Variants in MCF2L observed in about 807,000 individuals in gnomAD.
MCF2L encodes guanine nucleotide exchange factor DBS.
A neutral mutation model predicts 153.4 loss-of-function variants in MCF2L; 97 were observed. That is an observed-to-expected ratio of 0.63 (90% CI 0.54 to 0.75). The LOEUF is 0.75. Ranked by LOEUF, MCF2L falls within the 30% of genes least tolerant of loss-of-function variation. The probability of loss-of-function intolerance (pLI) is 0.00; values close to 1 mark genes in which losing one functional copy is unlikely to be tolerated. For synonymous variants in MCF2L, 659 were observed against 632.2 expected, an observed-to-expected ratio of 1.04 and a Z score of -0.64; for missense variants, 1,347 against 1,495.2, an observed-to-expected ratio of 0.90 and a Z score of 1.64.
At position 113,073,114 on chromosome 13, in the gene MCF2L, G is replaced by C. The variant is rs369040537; in HGVS notation, c.997-1330G>C. 9.6e-4 allele frequency among the ~76,000 whole-genome samples: 142 copies of C among 147,256 alleles called. 1 individual carries two copies. In the South Asian group the frequency reaches 0.03, roughly 31 times the overall value. On this transcript the variant is annotated intron_variant, in intron 9 of 29. Coordinates refer to ENST00000535094, the MANE Select transcript of MCF2L (RefSeq NM_001112732.3). ...AAATGTATGTTGTTTGGCTTCCAGTGTTCAGAGATTTTCCCGTTGTCTTTC... is the reference window on the plus strand; with the variant it reads ...AAATGTATGTTGTTTGGCTTCCAGTCTTCAGAGATTTTCCCGTTGTCTTTC...
At position 112,918,420 on chromosome 13, in the gene MCF2L, G is replaced by A. The variant is rs907305878; in HGVS notation, c.169+16049G>A. ...AGTAACTGACGCAGTTCACTTCCCC[G>A]TGGGGTTTCCCACACCTCGGCAAGT... On this transcript the variant is annotated intron_variant, in intron 2 of 29. Coordinates refer to the MCF2L transcript ENST00000375608. Among the ~76,000 whole-genome samples, 20 of 152,348 alleles carry A rather than the reference G, an allele frequency of 1.3e-4. No homozygotes were observed. In the South Asian group the frequency reaches 1.4e-3, roughly 11 times the overall value.
chr13:113,034,241 A>G (rs2085989898), intron 3 of MCF2L: 1 of 147,490 alleles, frequency 6.8e-6, no homozygotes, highest in African/African-American at 2.5e-5. Context: ...AGCTCAGGTG[A>G]TCCTCCCACC....
At chr13:112,936,394 G>A (rs1430160585) in intron 2 of MCF2L, among the ~76,000 whole-genome samples, 5 of 152,032 alleles carry the variant, frequency 3.3e-5, no homozygotes, top group African/African-American at 1.2e-4. Context: ...CCCAATCTAT[G>A]GTGCTTTGGT....
intron 1 of MCF2L, among the ~76,000 whole-genome samples, chr13:112,995,159 G>A (rs2083072318): frequency 6.6e-6 from 1 of 152,224 alleles, no homozygotes; most frequent in Non-Finnish European, 1.5e-5. Context: ...GAGGCACTGT[G>A]CCCGTGCCCC....
intron 3 of MCF2L, among the ~76,000 whole-genome samples, chr13:113,039,148 C>A (rs1042926995): frequency 1.3e-5 from 2 of 152,136 alleles, no homozygotes; most frequent in African/African-American, 2.4e-5. Context: ...CGTGAGCCAC[C>A]GCGCCCGGCC....
intron 27 of MCF2L, 185 bp downstream of exon 27, chr13:113,094,820 T>C (rs1337802712): frequency 9.5e-7 from 1 of 1,055,950 alleles, no homozygotes; most frequent in Non-Finnish European, 1.4e-6. Flanking sequence ...CTCTGGAAGG[T>C]CCACCCAGAC....
chr13:112,944,676 T>C (rs3011481), intron 2 of MCF2L, among the ~76,000 whole-genome samples: 145,736 of 149,438 alleles, frequency 0.98, 71,158 homozygotes, highest in Non-Finnish European at 1. Flanking sequence ...TTAGTAGAGA[T>C]GGGGTTTCAC....
chr13:112,998,704 G>A (rs756497119), intron 1 of MCF2L, among the ~76,000 whole-genome samples: 5 of 152,196 alleles, frequency 3.3e-5, no homozygotes, highest in Admixed American at 1.3e-4. Context: ...TCTGTCTTGC[G>A]CCGATTGGAG....
intron 2 of MCF2L, among the ~76,000 whole-genome samples, chr13:113,016,280 G>A (rs1157628223): frequency 1.3e-5 from 2 of 152,210 alleles, no homozygotes; most frequent in Non-Finnish European, 2.9e-5. Flanking sequence ...CCAGGTGCAA[G>A]AAGGATTTGA....
chr13:113,061,725 G>GTC, intron 5 of MCF2L, among the ~76,000 whole-genome samples: 1 of 17,616 alleles, frequency 5.7e-5, no homozygotes, highest in Admixed American at 6.5e-4. Flanking sequence ...CCTCCCCCTT[G>GTC]CCCTCCCCTC....
At chr13:113,008,317 C>T (rs866074342) in intron 1 of MCF2L, among the ~76,000 whole-genome samples, 1 of 152,162 alleles carries the variant, frequency 6.6e-6, no homozygotes, top group Non-Finnish European at 1.5e-5. Context: ...AAAGTCTTAA[C>T]CCTTTGTTAC....
At chr13:112,906,731 G>A (rs2081176589) in intron 2 of MCF2L, among the ~76,000 whole-genome samples, 1 of 152,216 alleles carries the variant, frequency 6.6e-6, no homozygotes, top group Non-Finnish European at 1.5e-5. Context: ...GCGTGAGAGA[G>A]CAAGAGGGTT....
intron 2 of MCF2L, among the ~76,000 whole-genome samples, chr13:112,923,257 C>CTTTTTTTTTTTT (rs57030206): frequency 3.8e-5 from 3 of 78,444 alleles, no homozygotes; most frequent in African/African-American, 5.2e-5. Context: ...GTGTTTGCTT[C>CTTTTTTTTTTTT]TTTTTTTTTT....
At chr13:113,023,962 CT>C in intron 2 of MCF2L, among the ~76,000 whole-genome samples, 1 of 152,372 alleles carries the variant, frequency 6.6e-6, no homozygotes, top group South Asian at 2.1e-4. Flanking sequence ...CCCAAGCTCA[CT>C]TCCGCTGAGT....
chr13:113,038,927 G>A (rs1157978602), intron 3 of MCF2L, among the ~76,000 whole-genome samples: 2 of 152,096 alleles, frequency 1.3e-5, no homozygotes, highest in Admixed American at 6.6e-5. Flanking sequence ...GTGCTATCTC[G>A]GCTCACTGCA....
chr13:113,084,799 C>A, intron 18 of MCF2L, 93 bp from the exon 19 acceptor site: 1 of 917,954 alleles, frequency 1.1e-6, no homozygotes, highest in East Asian at 2.4e-5. Context: ...ATGCGGTGCC[C>A]GTCCCTCACC....
At chr13:113,091,570 T>C (rs1171288366) in intron 26 of MCF2L, among the ~76,000 whole-genome samples, 2 of 150,646 alleles carry the variant, frequency 1.3e-5, no homozygotes, top group Non-Finnish European at 2.9e-5. Flanking sequence ...TGTGGCACAG[T>C]TTGCCCCGAC....
At position 113,031,126 on chromosome 13, in the gene MCF2L, CAGAG is replaced by C. The variant is rs1177175145; in HGVS notation, c.278+6372_278+6375del. On this transcript the variant is annotated intron_variant, in intron 3 of 29. Transcript: ENST00000535094. The surrounding 1 kb of genome is among the most constrained non-coding windows in gnomAD (Gnocchi z 5.5). Reference sequence around the variant, plus strand: ...AGAGAGAGACAGAGACAGAGAGTGACAGAGAGACAGACAGAGACAGAGAGAGACA... The same window carrying C: ...AGAGAGAGACAGAGACAGAGAGTGACAGACAGACAGAGACAGAGAGAGACA... Among the ~76,000 whole-genome samples, 1 of 149,588 alleles carries C rather than the reference CAGAG, an allele frequency of 6.7e-6. No homozygotes were observed. The highest frequency in any genetic ancestry group is 1.5e-5 in the Non-Finnish European group (1 of 67,540).
intron 2 of MCF2L, among the ~76,000 whole-genome samples, chr13:112,954,003 A>G (rs942194270): frequency 7.9e-5 from 12 of 152,234 alleles, no homozygotes; most frequent in Admixed American, 4.6e-4. Flanking sequence ...ACGCTGTGGC[A>G]TGCTGGGCTT....
Sources: gnomAD v4.1 joint callset for allele counts (sites outside exome capture counted in the v4.1 genomes callset) on GRCh38, gnomAD v4.1.1 for gene constraint, Gnocchi (gnomAD v3.1) non-coding constraint, MANE v1.5 for transcripts, NCBI Gene and HGNC (gene_info 2026-07-23, HGNC 2026-07-21) for gene names.